Variants in CCDC178 observed in about 807,000 individuals in gnomAD.
CCDC178 encodes the protein coiled-coil domain-containing protein 178.
Under a neutral mutation model 117.4 loss-of-function variants are expected in CCDC178, and 126 were observed. The ratio of observed to expected loss-of-function variants is 1.07; its 90% CI spans 0.93 to 1.24. The LOEUF (loss-of-function observed/expected upper bound fraction) is 1.24, where lower values mean the gene tolerates loss of function less well. Among genes scored for constraint, CCDC178 ranks in the 50% most tolerant of loss-of-function variants. The pLI, the probability that CCDC178 is intolerant of heterozygous loss-of-function variation, is 0.00. For synonymous variants in CCDC178, 283 were observed against 313.4 expected (o/e 0.90, Z 1.02); for missense variants, 1,030 against 986.9 (o/e 1.04, Z -0.59).
chr18:33,105,471 T>A (rs572062257), intron 20 of CCDC178, among the ~76,000 whole-genome samples: 1 of 151,628 alleles, frequency 6.6e-6, no homozygotes, highest in Non-Finnish European at 1.5e-5. Context: ...AGAGGTACAT[T>A]TATGAAGAAA....
chr18:33,045,699 T>G (rs940771537), intron 21 of CCDC178, among the ~76,000 whole-genome samples: 1 of 152,208 alleles, frequency 6.6e-6, no homozygotes, highest in African/African-American at 2.4e-5. Context: ...TGAAAATGCA[T>G]GCATTACTTT....
intron 11 of CCDC178, among the ~76,000 whole-genome samples, chr18:33,303,034 G>A (rs771217985): frequency 5.9e-5 from 9 of 152,186 alleles, no homozygotes; most frequent in African/African-American, 1.7e-4. Flanking sequence ...ATGAGAAACA[G>A]TAAATGTTTG....
intron 4 of CCDC178, among the ~76,000 whole-genome samples, chr18:33,396,274 T>C (rs1642160842): frequency 6.6e-6 from 1 of 152,096 alleles, no homozygotes; most frequent in South Asian, 2.1e-4. Context: ...ATGGGGATTG[T>C]CAATACTTTA....
chr18:33,265,348 C>G (rs917027071), intron 14 of CCDC178, among the ~76,000 whole-genome samples: 4 of 151,758 alleles, frequency 2.6e-5, no homozygotes, highest in Admixed American at 2.6e-4. Context: ...TTGAGGAAGA[C>G]AGAAATGAAT....
At chr18:33,346,657 T>C (rs905643488) in intron 8 of CCDC178, among the ~76,000 whole-genome samples, 2 of 152,100 alleles carry the variant, frequency 1.3e-5, no homozygotes, top group Non-Finnish European at 2.9e-5. Flanking sequence ...AACCAATATT[T>C]TCAGGAATAA....
At chr18:33,129,826 T>G (rs1172363447) in intron 20 of CCDC178, among the ~76,000 whole-genome samples, 3 of 152,068 alleles carry the variant, frequency 2.0e-5, no homozygotes, top group African/African-American at 7.2e-5. Flanking sequence ...AGTCATTTTC[T>G]GAGATTCAGG....
At chr18:32,987,441 C>A (rs1165630408) in intron 21 of CCDC178, among the ~76,000 whole-genome samples, 4 of 151,874 alleles carry the variant, frequency 2.6e-5, no homozygotes, top group African/African-American at 9.7e-5. Context: ...ATCAACACAT[C>A]AATTTTGGCA....
chr18:33,401,249 T>G (rs1277447162), intron 3 of CCDC178, among the ~76,000 whole-genome samples: 1 of 152,234 alleles, frequency 6.6e-6, no homozygotes, highest in African/African-American at 2.4e-5. Flanking sequence ...CATGAAGTTT[T>G]TCTACATGTT....
At chr18:33,351,442 C>T (rs1195219176) in intron 7 of CCDC178, among the ~76,000 whole-genome samples, 2 of 152,176 alleles carry the variant, frequency 1.3e-5, no homozygotes, top group African/African-American at 2.4e-5. Flanking sequence ...ATCCACCAGC[C>T]TTGGCCTCCC....
At chr18:33,219,751 A>G (rs986282914) in intron 18 of CCDC178, among the ~76,000 whole-genome samples, 4 of 152,000 alleles carry the variant, frequency 2.6e-5, no homozygotes, top group Non-Finnish European at 5.9e-5. Flanking sequence ...CAGGGTAGGG[A>G]ACATCACACA....
chr18:32,966,554 T>G (rs1413333030), intron 22 of CCDC178, among the ~76,000 whole-genome samples: 1 of 151,912 alleles, frequency 6.6e-6, no homozygotes. Flanking sequence ...CTTTTTGATA[T>G]ATTTTGCTAC....
chr18:33,216,094 T>A (rs2059162631), intron 18 of CCDC178, among the ~76,000 whole-genome samples: 1 of 151,934 alleles, frequency 6.6e-6, no homozygotes, highest in Non-Finnish European at 1.5e-5. Context: ...TGAGACCCTG[T>A]CTCTAAAAAA....
Position 33,218,563 on chromosome 18 carries a change from T to C in CCDC178, c.1933-2868A>G, listed in dbSNP as rs1014911225. ...CTGAATGGTATTGCCTAGGTTTTTT[T>C]CTAGGGTTTTTATGGTTTTAGGTCT... On this transcript the variant is annotated intron_variant, in intron 18 of 22. Coordinates refer to ENST00000383096, the MANE Select transcript of CCDC178 (RefSeq NM_001105528.4). Among the ~76,000 whole-genome samples, 12 of 152,200 alleles carry C rather than the reference T, an allele frequency of 7.9e-5. No homozygotes were observed. The South Asian group carries it at 1.9e-3, about 24-fold the overall frequency.
At chr18:33,077,963 C>A (rs1256209943) in intron 21 of CCDC178, among the ~76,000 whole-genome samples, 1 of 152,104 alleles carries the variant, frequency 6.6e-6, no homozygotes, top group Admixed American at 6.6e-5. Context: ...GAAAACCTGG[C>A]AGACACACAA....
chr18:33,032,783 C>T (rs1303523630), intron 21 of CCDC178, among the ~76,000 whole-genome samples: 2 of 152,000 alleles, frequency 1.3e-5, no homozygotes, highest in Admixed American at 1.3e-4. Flanking sequence ...AGAGGAGAGA[C>T]AAATGCAAAG....
At chr18:33,195,721 AAAT>A (rs1234891948) in intron 20 of CCDC178, among the ~76,000 whole-genome samples, 2 of 152,216 alleles carry the variant, frequency 1.3e-5, no homozygotes, top group Admixed American at 1.3e-4. Flanking sequence ...ATCACAGATT[AAAT>A]AACTTCTTAG....
chr18:32,961,494 C>T (rs191854342), intron 22 of CCDC178, among the ~76,000 whole-genome samples: 12 of 152,162 alleles, frequency 7.9e-5, no homozygotes, highest in African/African-American at 2.9e-4. Context: ...TAAAGTGTGT[C>T]ACTTACAGAC....
At chr18:33,232,273 C>T (rs2059376502) in intron 15 of CCDC178, among the ~76,000 whole-genome samples, 1 of 151,986 alleles carries the variant, frequency 6.6e-6, no homozygotes, top group Non-Finnish European at 1.5e-5. Context: ...CAAAAGATAG[C>T]TGAAAGGAGG....
At chr18:33,376,499 C>A (rs906975486) in intron 5 of CCDC178, among the ~76,000 whole-genome samples, 3 of 152,082 alleles carry the variant, frequency 2.0e-5, no homozygotes, top group Non-Finnish European at 4.4e-5. Context: ...GTTTGTTACA[C>A]AGGTATATGG....
Sources: allele counts gnomAD v4.1 joint callset (sites outside exome capture counted in the v4.1 genomes callset), GRCh38; gene constraint gnomAD v4.1.1; transcripts MANE v1.5; gene names NCBI Gene and HGNC (gene_info 2026-07-23, HGNC 2026-07-21).